The following XKR4 variants were observed in gnomAD, a reference collection of about 807,000 sequenced individuals.
XKR4 encodes the protein XK-related protein 4.
Under a neutral mutation model 53.9 loss-of-function variants are expected in XKR4, and 12 were observed. That is an observed-to-expected ratio of 0.22 (90% CI 0.14 to 0.36). The LOEUF (loss-of-function observed/expected upper bound fraction) is 0.36, where lower values mean the gene tolerates loss of function less well. Among genes scored for constraint, XKR4 ranks in the 10% least tolerant of loss-of-function variants. The pLI, the probability that XKR4 is intolerant of heterozygous loss-of-function variation, is 1.00. For synonymous variants in XKR4, 354 were observed against 362.4 expected (o/e 0.98, Z 0.26); for missense variants, 799 against 859.5 (o/e 0.93, Z 0.88).
intron 1 of XKR4, among the ~76,000 whole-genome samples, chr8:55,163,731 G>A (rs1817018992): frequency 1.3e-5 from 2 of 152,104 alleles, no homozygotes; most frequent in Non-Finnish European, 2.9e-5. Flanking sequence ...CATAATCCCA[G>A]CTACTTGGGA....
At chr8:55,373,138 C>T (rs1804092942) in intron 2 of XKR4, among the ~76,000 whole-genome samples, 1 of 152,124 alleles carries the variant, frequency 6.6e-6, no homozygotes, top group Non-Finnish European at 1.5e-5. Context: ...TCAGAGACTA[C>T]AAGACTAACA....
rs542949948 is a variant in XKR4 at position 55,368,223 on chromosome 8, G to A, written c.1006+10346G>A. Among the ~76,000 whole-genome samples the A allele has an allele frequency of 9.9e-5, 15 of 152,268 alleles. No homozygotes were observed. In the South Asian group the frequency reaches 2.9e-3, roughly 29 times the overall value. On this transcript the variant is annotated intron_variant, in intron 2 of 2. Transcript: ENST00000327381. ...TGATCCACCCGCCTCCCAAAGTGCT[G>A]GGATTACAGGTGTGAGCCATGGTGC...
intron 1 of XKR4, among the ~76,000 whole-genome samples, chr8:55,324,250 C>A (rs1803260562): frequency 6.6e-6 from 1 of 152,148 alleles, no homozygotes; most frequent in Non-Finnish European, 1.5e-5. Context: ...GGCAAGCCAT[C>A]ATGCCTGGCT....
At chr8:55,197,297 G>A (rs1397248195) in intron 1 of XKR4, among the ~76,000 whole-genome samples, 1 of 152,122 alleles carries the variant, frequency 6.6e-6, no homozygotes, top group Admixed American at 6.5e-5. Flanking sequence ...TCTATATTAG[G>A]TGATACATTG....
chr8:55,456,595 A>G (rs1805573842), intron 2 of XKR4, among the ~76,000 whole-genome samples: 1 of 152,246 alleles, frequency 6.6e-6, no homozygotes. Context: ...GGAAGTGAAA[A>G]AGAACCAAAT....
At chr8:55,449,637 T>G in intron 2 of XKR4, 2 of 994,992 alleles carry the variant, frequency 2.0e-6, no homozygotes, top group Non-Finnish European at 3.2e-6. Flanking sequence ...TCCACGCTCT[T>G]AGGGGCACCC....
chr8:55,442,393 T>C (rs773111613), intron 2 of XKR4, among the ~76,000 whole-genome samples: 4 of 152,240 alleles, frequency 2.6e-5, no homozygotes, highest in Non-Finnish European at 4.4e-5. Context: ...GAGTGTCACC[T>C]GGTGCAGTTG....
intron 2 of XKR4, among the ~76,000 whole-genome samples, chr8:55,412,160 G>A (rs751578638): frequency 1.3e-5 from 2 of 152,126 alleles, no homozygotes; most frequent in Non-Finnish European, 1.5e-5. Flanking sequence ...TCACTGAGGG[G>A]AAGAAGAAAG....
At chr8:55,346,574 T>G (rs1469895676) in intron 1 of XKR4, among the ~76,000 whole-genome samples, 1 of 152,196 alleles carries the variant, frequency 6.6e-6, no homozygotes, top group Non-Finnish European at 1.5e-5. Flanking sequence ...AATATCCTGG[T>G]ACTAAAACAA....
At chr8:55,146,100 A>C (rs1033168132) in intron 1 of XKR4, among the ~76,000 whole-genome samples, 3 of 152,236 alleles carry the variant, frequency 2.0e-5, no homozygotes, top group Non-Finnish European at 4.4e-5. Flanking sequence ...ATGTGATCTA[A>C]GGCCACACTA....
At chr8:55,244,970 T>G (rs1818264961) in intron 1 of XKR4, among the ~76,000 whole-genome samples, 2 of 150,864 alleles carry the variant, frequency 1.3e-5, no homozygotes, top group South Asian at 4.2e-4. Flanking sequence ...AGCGCGATCT[T>G]GGCTCACTGC....
chr8:55,321,419 C>T (rs1386732154), intron 1 of XKR4, among the ~76,000 whole-genome samples: 2 of 152,084 alleles, frequency 1.3e-5, no homozygotes, highest in Admixed American at 1.3e-4. Flanking sequence ...TCAGCCTACC[C>T]CTCCCATGAA....
chr8:55,114,740 C>T (rs969493419), intron 1 of XKR4, among the ~76,000 whole-genome samples: 1 of 152,148 alleles, frequency 6.6e-6, no homozygotes, highest in African/African-American at 2.4e-5. Flanking sequence ...GGTTCTCACT[C>T]AGGGACGTCA....
intron 2 of XKR4, among the ~76,000 whole-genome samples, chr8:55,400,728 C>T (rs1409615800): frequency 1.3e-5 from 2 of 152,206 alleles, no homozygotes; most frequent in Non-Finnish European, 2.9e-5. Context: ...CAGCAATGGG[C>T]TGCTGAATAA....
chr8:55,232,934 CCT>C (rs1476724913), intron 1 of XKR4, among the ~76,000 whole-genome samples: 5 of 152,282 alleles, frequency 3.3e-5, no homozygotes, highest in African/African-American at 4.8e-5. Flanking sequence ...CTCTTAATAG[CCT>C]CTGTTCTTGC....
chr8:55,265,751 C>A (rs181538154), intron 1 of XKR4, among the ~76,000 whole-genome samples: 1 of 151,596 alleles, frequency 6.6e-6, no homozygotes. Flanking sequence ...GGGGTCAAGG[C>A]GGGCAGATCA....
intron 1 of XKR4, among the ~76,000 whole-genome samples, chr8:55,126,655 C>T (rs922911891): frequency 6.6e-6 from 1 of 152,130 alleles, no homozygotes; most frequent in African/African-American, 2.4e-5. Context: ...TAAAAAGTTC[C>T]CATCAGACTT....
chr8:55,245,451 G>C (rs1043617447), intron 1 of XKR4, among the ~76,000 whole-genome samples: 2 of 152,002 alleles, frequency 1.3e-5, no homozygotes, highest in Non-Finnish European at 2.9e-5. Flanking sequence ...TAATCCTACT[G>C]TGTGGTATAG....
At chr8:55,229,479 TG>T (rs1179152128) in intron 1 of XKR4, among the ~76,000 whole-genome samples, 3 of 152,218 alleles carry the variant, frequency 2.0e-5, no homozygotes, top group Non-Finnish European at 2.9e-5. Flanking sequence ...GCTCAGGGCC[TG>T]GAACACAGGA....
Sources: allele counts gnomAD v4.1 joint callset (sites outside exome capture counted in the v4.1 genomes callset), GRCh38; gene constraint gnomAD v4.1.1; transcripts MANE v1.5; gene names NCBI Gene and HGNC (gene_info 2026-07-23, HGNC 2026-07-21).